Variants in SLC44A5 observed in about 807,000 individuals in gnomAD.
SLC44A5 encodes the protein solute carrier family 44 member 5, also known as choline transporter-like protein 5.
In SLC44A5, 57 loss-of-function variants were observed where a neutral mutation model predicts 101.8. The observed-to-expected ratio is 0.56, with a 90% CI of 0.45 to 0.70. The LOEUF (loss-of-function observed/expected upper bound fraction) is 0.70. SLC44A5 is among the 30% of genes least tolerant of loss of function. The pLI is 0.00. For missense variants in SLC44A5, 737 were observed against 853.1 expected, an observed-to-expected ratio of 0.86 and a Z score of 1.70; for synonymous variants, 281 against 290.9, an observed-to-expected ratio of 0.97 and a Z score of 0.35.
chr1:75,399,952 TTAGA>T (rs1363261168), intron 2 of SLC44A5, among the ~76,000 whole-genome samples: 6 of 152,154 alleles, frequency 3.9e-5, no homozygotes, highest in Non-Finnish European at 7.3e-5. Flanking sequence ...CAACAGTAGG[TTAGA>T]TAAAGAAAAT....
intron 6 of SLC44A5, among the ~76,000 whole-genome samples, chr1:75,274,248 A>T (rs962625256): frequency 4.6e-5 from 7 of 151,984 alleles, no homozygotes; most frequent in African/African-American, 1.7e-4. Context: ...CAAAAGATCC[A>T]GCAACCACCC....
chr1:75,249,720 GA>G (rs1246278807), intron 7 of SLC44A5, among the ~76,000 whole-genome samples: 5 of 152,186 alleles, frequency 3.3e-5, no homozygotes, highest in African/African-American at 1.2e-4. Flanking sequence ...TTGATAAAGA[GA>G]ACTATACATC....
chr1:75,640,800 T>C, the SLC44A5 span, among the ~76,000 whole-genome samples: 1 of 152,110 alleles, frequency 6.6e-6, no homozygotes, highest in Non-Finnish European at 1.5e-5. Flanking sequence ...CAGGCTCGAA[T>C]GTCCTTAAAA....
chr1:75,517,026 T>C (rs1199889802), intron 2 of SLC44A5, among the ~76,000 whole-genome samples: 1 of 152,158 alleles, frequency 6.6e-6, no homozygotes, highest in African/African-American at 2.4e-5. Context: ...ATGATGAATC[T>C]CTGGACTTAA....
chr1:75,346,171 A>T (rs1658241200), intron 3 of SLC44A5, among the ~76,000 whole-genome samples: 1 of 152,146 alleles, frequency 6.6e-6, no homozygotes, highest in African/African-American at 2.4e-5. Flanking sequence ...CTGATTTCAA[A>T]CCAAACAATA....
intron 2 of SLC44A5, among the ~76,000 whole-genome samples, chr1:75,462,629 T>C (rs1238450062): frequency 6.6e-6 from 1 of 152,012 alleles, no homozygotes; most frequent in Non-Finnish European, 1.5e-5. Flanking sequence ...GCAATGAAAT[T>C]CAAGATAACG....
At chr1:75,639,785 T>C in the SLC44A5 span, among the ~76,000 whole-genome samples, 1 of 152,040 alleles carries the variant, frequency 6.6e-6, no homozygotes, top group Admixed American at 6.6e-5. Context: ...CCCTTTATCT[T>C]TGTTTAGTTG....
Position 75,202,236 on chromosome 1 carries a change from G to A in SLC44A5, c.*1491C>T, listed in dbSNP as rs1357583863. 3.3e-5 allele frequency: 5 copies of A among 152,056 alleles called. No homozygotes were observed. The highest frequency in any genetic ancestry group is 6.6e-5 in the Admixed American group (1 of 15,264). 9.4% of individuals were successfully genotyped at this position (152,056 alleles called of 1,614,324 possible). On this transcript the variant is annotated 3_prime_UTR_variant, in exon 24 of 24. Transcript: ENST00000370859. ...ATTATCAAAGATATTTAGACAATAC[G>A]TTTCTAACATTTCTGCACAGCAGAA...
chr1:75,570,441 G>C (rs971812060), intron 1 of SLC44A5, among the ~76,000 whole-genome samples: 2 of 152,084 alleles, frequency 1.3e-5, no homozygotes, highest in Non-Finnish European at 2.9e-5. Context: ...TGAAAGAGGA[G>C]GGTTCAATCT....
chr1:75,254,155 C>T (rs953977990), intron 6 of SLC44A5, among the ~76,000 whole-genome samples: 3 of 152,020 alleles, frequency 2.0e-5, no homozygotes, highest in South Asian at 2.1e-4. Context: ...TCTCCTGCCT[C>T]GGCCTTCTGA....
intron 1 of SLC44A5, among the ~76,000 whole-genome samples, chr1:75,559,067 G>A (rs1470680886): frequency 6.6e-6 from 1 of 151,862 alleles, no homozygotes; most frequent in Non-Finnish European, 1.5e-5. Context: ...GAAACAATAA[G>A]AGTATATATT....
At chr1:75,218,045 G>A in intron 17 of SLC44A5, 85 bp from the exon 18 acceptor site, 2 of 880,584 alleles carry the variant, frequency 2.3e-6, no homozygotes, top group Non-Finnish European at 3.6e-6. Flanking sequence ...ACAAGTAAAA[G>A]GTATCTGCAG....
At position 75,211,395 on chromosome 1, in the gene SLC44A5, A is replaced by C. The variant is rs142288687; in HGVS notation, c.2047+73T>G. The C allele has an allele frequency of 5.7e-4, 674 of 1,181,152 alleles. 2 individuals carry two copies. In the African/African-American group the frequency reaches 9.5e-3, roughly 17 times the overall value. The allele number at this position is 1,181,152 out of a possible 1,614,324, so 73.2% of individuals were successfully genotyped here. On this transcript the variant is annotated intron_variant, in intron 23 of 23. Coordinates refer to ENST00000370859, the MANE Select transcript of SLC44A5 (RefSeq NM_001130058.2). The stretch of plus-strand genomic sequence containing the variant: ...TAACAGCAGATCCCCAAGCCAGCTA[A>C]GGACATGGGCCTTCACCATCTCACC...
At chr1:75,499,979 C>A (rs1318737388) in intron 2 of SLC44A5, among the ~76,000 whole-genome samples, 1 of 152,110 alleles carries the variant, frequency 6.6e-6, no homozygotes, top group East Asian at 1.9e-4. Context: ...ATAAACCCCT[C>A]CCATCCACTA....
chr1:75,375,440 C>T (rs1337308034), intron 3 of SLC44A5, among the ~76,000 whole-genome samples: 2 of 152,162 alleles, frequency 1.3e-5, no homozygotes, highest in African/African-American at 4.8e-5. Flanking sequence ...ACAATTTCCC[C>T]AATTTTGCGA....
At chr1:75,600,661 A>G (rs1674921463) in intron 1 of SLC44A5, among the ~76,000 whole-genome samples, 1 of 152,192 alleles carries the variant, frequency 6.6e-6, no homozygotes, top group Non-Finnish European at 1.5e-5. Flanking sequence ...CCATAAGATT[A>G]TGATATTGTA....
rs745593621 is a variant in SLC44A5 at position 75,573,127 on chromosome 1, CAAAAAAAAAAAA to C, written c.-69-31623_-69-31612del. ...TGAGCGACAGAGCAAGGCTCCATCT[CAAAAAAAAAAAA>C]AAAAAAAAAAAAAAAGGAAATAGTA... On this transcript the variant is annotated intron_variant, in intron 1 of 23. Coordinates refer to ENST00000370859, the MANE Select transcript of SLC44A5 (RefSeq NM_001130058.2). Among the ~76,000 whole-genome samples, 5 of 16,688 alleles carry C rather than the reference CAAAAAAAAAAAA, an allele frequency of 3.0e-4. No individual in the cohort carries two copies. The East Asian group carries it at 0.013, about 43-fold the overall frequency. 10.9% of individuals were successfully genotyped at this position (16,688 alleles called of 152,430 possible).
At chr1:75,663,891 T>A in the SLC44A5 span, among the ~76,000 whole-genome samples, 210 of 152,186 alleles carry the variant, frequency 1.4e-3, 1 homozygote, top group South Asian at 0.015. Flanking sequence ...CTGATGAACA[T>A]AGATCCAAAA....
chr1:75,577,306 C>T (rs1673427770), intron 1 of SLC44A5, among the ~76,000 whole-genome samples: 1 of 152,174 alleles, frequency 6.6e-6, no homozygotes, highest in African/African-American at 2.4e-5. Context: ...ATTAACTTTG[C>T]ATATTTCTCA....
Sources: allele counts gnomAD v4.1 joint callset (sites outside exome capture counted in the v4.1 genomes callset), GRCh38; gene constraint gnomAD v4.1.1; transcripts MANE v1.5; gene names NCBI Gene and HGNC (gene_info 2026-07-23, HGNC 2026-07-21).